KIAA1328: variants seen among roughly 807,000 people sequenced by gnomAD.
KIAA1328 encodes the protein protein hinderin.
KIAA1328 carries 52 observed loss-of-function variants against 68.1 expected under a neutral mutation model. The observed-to-expected ratio is 0.76, with a 90% CI of 0.61 to 0.96. KIAA1328 has a LOEUF of 0.96. KIAA1328 is among the 40% of genes least tolerant of loss of function. The probability of loss-of-function intolerance (pLI) is 0.00; values close to 1 mark genes in which losing one functional copy is unlikely to be tolerated. For missense variants in KIAA1328, 641 were observed against 677.6 expected, an observed-to-expected ratio of 0.95 and a Z score of 0.60; for synonymous variants, 232 against 239.4, an observed-to-expected ratio of 0.97 and a Z score of 0.28.
intron 5 of KIAA1328, among the ~76,000 whole-genome samples, chr18:36,935,640 C>T (rs903284826): frequency 6.6e-5 from 10 of 152,026 alleles, no homozygotes; most frequent in Non-Finnish European, 8.8e-5. Flanking sequence ...TAGTATTCTT[C>T]ATCATACAGA....
intron 6 of KIAA1328, among the ~76,000 whole-genome samples, chr18:37,011,497 C>A (rs2053979133): frequency 6.6e-6 from 1 of 152,276 alleles, no homozygotes; most frequent in East Asian, 1.9e-4. Flanking sequence ...TAATCCAAGT[C>A]TACTTTTCAC....
chr18:37,163,676 G>A (rs1272897331), intron 8 of KIAA1328, among the ~76,000 whole-genome samples: 1 of 152,154 alleles, frequency 6.6e-6, no homozygotes, highest in Non-Finnish European at 1.5e-5. Flanking sequence ...CATAACTCCA[G>A]ATGGATTAAA....
At chr18:36,884,044 T>A (rs889815512) in intron 4 of KIAA1328, among the ~76,000 whole-genome samples, 19 of 150,666 alleles carry the variant, frequency 1.3e-4, no homozygotes, top group Admixed American at 8.0e-4. Context: ...TTTTTAAAAT[T>A]GTCTAGTCTA....
intron 7 of KIAA1328, among the ~76,000 whole-genome samples, chr18:37,100,859 C>T (rs1338005830): frequency 6.6e-6 from 1 of 152,170 alleles, no homozygotes. Context: ...ATTTGCTGTT[C>T]ACCAATATCC....
intron 5 of KIAA1328, among the ~76,000 whole-genome samples, chr18:36,929,237 C>A (rs2050227387): frequency 6.6e-6 from 1 of 152,022 alleles, no homozygotes; most frequent in African/African-American, 2.4e-5. Context: ...CTCCCTGTAC[C>A]CCGGCTTTTG....
At position 37,099,106 on chromosome 18, in the gene KIAA1328, C is replaced by T. The variant is rs545401919; in HGVS notation, c.1232+31561C>T. Among the ~76,000 whole-genome samples the T allele has an allele frequency of 2.1e-3, 318 of 151,972 alleles. 2 individuals carry two copies. Among genetic ancestry groups the T allele is most frequent in the Middle Eastern group, 0.017 (5 of 294 alleles). On this transcript the variant is annotated intron_variant, in intron 7 of 9. Transcript: ENST00000280020. ...TCTGCTCTGATTAGGTTATTTCTTG[C>T]CTTCTGCTAGCTTTTGAATGTGTTT...
At chr18:36,890,241 A>T (rs1309778680) in intron 5 of KIAA1328, among the ~76,000 whole-genome samples, 39 of 149,284 alleles carry the variant, frequency 2.6e-4, no homozygotes, top group African/African-American at 7.2e-4. Flanking sequence ...TTTTTTTTTA[A>T]AAAAAAAGCA....
At chr18:37,014,845 A>G (rs1262422213) in intron 6 of KIAA1328, among the ~76,000 whole-genome samples, 1 of 152,166 alleles carries the variant, frequency 6.6e-6, no homozygotes, top group South Asian at 2.1e-4. Context: ...GATCCAAACC[A>G]TATCAGATTC....
chr18:37,140,553 CTT>C (rs527311447), intron 7 of KIAA1328, among the ~76,000 whole-genome samples: 253 of 152,106 alleles, frequency 1.7e-3, no homozygotes, highest in Non-Finnish European at 2.5e-3. Context: ...AATGTTTTTT[CTT>C]TCCCCACCCT....
At chr18:37,152,999 A>G (rs1037860131) in intron 7 of KIAA1328, among the ~76,000 whole-genome samples, 3 of 152,172 alleles carry the variant, frequency 2.0e-5, no homozygotes, top group Admixed American at 2.0e-4. Flanking sequence ...TTCTTTGTCA[A>G]CCACATGTAC....
chr18:37,064,052 T>G (rs1177645903), intron 6 of KIAA1328, among the ~76,000 whole-genome samples: 2 of 152,060 alleles, frequency 1.3e-5, no homozygotes, highest in Non-Finnish European at 2.9e-5. Context: ...AAGTTCAGAG[T>G]AGGAGAGATT....
intron 3 of KIAA1328, among the ~76,000 whole-genome samples, chr18:36,840,049 TTC>T (rs1600932923): frequency 6.6e-6 from 1 of 152,102 alleles, no homozygotes; most frequent in Admixed American, 6.5e-5. Context: ...TTTCTAGTGT[TTC>T]TGCAAACACT....
intron 7 of KIAA1328, among the ~76,000 whole-genome samples, chr18:37,080,514 CG>C (rs1352261969): frequency 1.3e-5 from 2 of 152,090 alleles, no homozygotes; most frequent in Admixed American, 6.5e-5. Flanking sequence ...CGGTGGCTCA[CG>C]CCTATAATCC....
intron 4 of KIAA1328, among the ~76,000 whole-genome samples, chr18:36,855,573 A>G (rs917774061): frequency 2.7e-5 from 4 of 148,364 alleles, no homozygotes; most frequent in African/African-American, 7.4e-5. Flanking sequence ...TATGACTTAC[A>G]GATATTTTCT....
intron 1 of KIAA1328, chr18:36,829,478 C>G: frequency 8.1e-7 from 1 of 1,230,204 alleles, no homozygotes; most frequent in Non-Finnish European, 1.0e-6. Context: ...CAGGCTCAGT[C>G]CAGGGCTGAG....
intron 6 of KIAA1328, among the ~76,000 whole-genome samples, chr18:36,983,345 T>G (rs540636453): frequency 6.6e-6 from 1 of 152,040 alleles, no homozygotes; most frequent in African/African-American, 2.4e-5. Context: ...GAACACGGAG[T>G]ATTACTGGGA....
chr18:36,877,401 T>A (rs560711262), intron 4 of KIAA1328, among the ~76,000 whole-genome samples: 11 of 152,278 alleles, frequency 7.2e-5, no homozygotes, highest in Non-Finnish European at 1.5e-4. Flanking sequence ...TCTTGTTGCA[T>A]TGATCCCTTT....
intron 6 of KIAA1328, among the ~76,000 whole-genome samples, chr18:37,018,123 T>TC (rs1446352983): frequency 6.6e-6 from 1 of 152,142 alleles, no homozygotes; most frequent in Non-Finnish European, 1.5e-5. Context: ...TACTTAGAAC[T>TC]CCCGTAAGGC....
intron 7 of KIAA1328, among the ~76,000 whole-genome samples, chr18:37,120,082 AT>A (rs1280828085): frequency 6.6e-6 from 1 of 152,206 alleles, no homozygotes; most frequent in Non-Finnish European, 1.5e-5. Flanking sequence ...TTTCCTGGAA[AT>A]CTAAAACTCT....
Sources: allele counts gnomAD v4.1 joint callset (sites outside exome capture counted in the v4.1 genomes callset), GRCh38; gene constraint gnomAD v4.1.1; transcripts MANE v1.5; gene names NCBI Gene and HGNC (gene_info 2026-07-23, HGNC 2026-07-21).